The following SBNO2 variants were observed in gnomAD, a reference collection of about 807,000 sequenced individuals.
SBNO2 encodes strawberry notch homolog 2.
SBNO2 carries 89 observed loss-of-function variants against 146.3 expected under a neutral mutation model. The ratio of observed to expected loss-of-function variants is 0.61; its 90% CI spans 0.51 to 0.73. The LOEUF (loss-of-function observed/expected upper bound fraction) is 0.73. Among genes scored for constraint, SBNO2 ranks in the 30% least tolerant of loss-of-function variants. The pLI is 0.00. For synonymous variants in SBNO2, 1,147 were observed against 892.6 expected (o/e 1.29, Z -5.08); for missense variants, 2,092 against 2,003.7 (o/e 1.04, Z -0.84).
At position 1,110,994 on chromosome 19, in the gene SBNO2, C is replaced by A; in HGVS notation, c.2884+25G>T. On this transcript the variant is annotated intron_variant, in intron 25 of 31. Transcript: ENST00000361757. The surrounding 1 kb of genome is among the most constrained non-coding windows in gnomAD (Gnocchi z 4.9). ...CATGAGATGAGAGACAGGAGCGCCT[C>A]TGGGCCTGGGTGTGGGGCACTCACC... is the stretch of plus-strand genomic sequence containing the variant. The A allele has an allele frequency of 6.2e-7, 1 of 1,603,216 alleles. No individual in the cohort carries two copies. The highest frequency in any genetic ancestry group is 8.5e-7 in the Non-Finnish European group (1 of 1,175,366).
Position 1,162,392 on chromosome 19 carries a change from G to A in SBNO2, c.-126-7990C>T, listed in dbSNP as rs189560651. Among the ~76,000 whole-genome samples, 420 of 150,268 alleles carry A rather than the reference G, an allele frequency of 2.8e-3. 4 individuals carry two copies. Among genetic ancestry groups the A allele is most frequent in the African/African-American group, 9.7e-3 (397 of 40,970 alleles). ...GGAGAATGGCGTGAACCCGGGAGGC[G>A]GCGCTTGCAGTGAGCCGAGATCGGG... On this transcript the variant is annotated intron_variant, in intron 1 of 31. Coordinates refer to ENST00000361757, the MANE Select transcript of SBNO2 (RefSeq NM_014963.3).
At position 1,116,909 on chromosome 19, in the gene SBNO2, C is replaced by T. The variant is rs1333847531; in HGVS notation, c.1722G>A (p.Leu574=). The change falls in exon 16 of 32, where the codon CTG becomes CTA. Residue 574 remains leucine (L), a synonymous_variant. Coordinates refer to ENST00000361757, the MANE Select transcript of SBNO2 (RefSeq NM_014963.3). ...LARDKCVVIG[L]QSTGEARTRE... ...GCGTGCGCGCCTCGCCCGTGGACTGCAGCCCGATGACCACGCACTGTGGGA... is the reference window on the plus strand; with the variant it reads ...GCGTGCGCGCCTCGCCCGTGGACTGTAGCCCGATGACCACGCACTGTGGGA... 3 of 1,562,732 alleles carry T rather than the reference C, an allele frequency of 1.9e-6. No homozygotes were observed. Among genetic ancestry groups the T allele is most frequent in the African/African-American group, 1.4e-5 (1 of 73,992 alleles).
intron 1 of SBNO2, among the ~76,000 whole-genome samples, chr19:1,156,510 C>T (rs74597972): frequency 0.05 from 7,536 of 151,986 alleles, 359 homozygotes; most frequent in East Asian, 0.25. Context: ...GGAGTCACCA[C>T]ACCACCGAGC....
chr19:1,141,172 C>T (rs928503230), intron 4 of SBNO2, among the ~76,000 whole-genome samples: 8 of 152,072 alleles, frequency 5.3e-5, no homozygotes, highest in African/African-American at 1.9e-4. Flanking sequence ...GCAGAGGCTG[C>T]TGACTCCCCC....
At chr19:1,160,821 G>C (rs7259491) in intron 1 of SBNO2, among the ~76,000 whole-genome samples, 16,902 of 152,084 alleles carry the variant, frequency 0.11, 2,747 homozygotes, top group African/African-American at 0.36. Flanking sequence ...TGAGCCACCA[G>C]GCCCGGCCCG....
chr19:1,114,601 G>A (rs1457096483), intron 17 of SBNO2, among the ~76,000 whole-genome samples, 179 bp from the exon 18 acceptor site: 1 of 152,052 alleles, frequency 6.6e-6, no homozygotes, highest in East Asian at 1.9e-4. Flanking sequence ...AGGGAACCCC[G>A]TGCCCTGTGG....
intron 5 of SBNO2, among the ~76,000 whole-genome samples, chr19:1,124,604 A>G (rs2079944027): frequency 6.6e-6 from 1 of 152,204 alleles, no homozygotes; most frequent in South Asian, 2.1e-4. Flanking sequence ...CCGTGGGTGC[A>G]GTCCCTGAGG....
chr19:1,147,023 C>T (rs192424427), intron 4 of SBNO2, among the ~76,000 whole-genome samples: 191 of 152,270 alleles, frequency 1.3e-3, no homozygotes, highest in African/African-American at 4.1e-3. Flanking sequence ...CTCCCAGCAC[C>T]GCCCTCCCCG....
intron 1 of SBNO2, among the ~76,000 whole-genome samples, chr19:1,160,028 C>T (rs1471533820): frequency 2.0e-5 from 3 of 152,130 alleles, no homozygotes; most frequent in South Asian, 4.1e-4. Context: ...CGGGTGCCCC[C>T]GCCTGCCCCG....
At chr19:1,153,518 C>A (rs1338390311) in intron 2 of SBNO2, among the ~76,000 whole-genome samples, 1 of 151,838 alleles carries the variant, frequency 6.6e-6, no homozygotes, top group Non-Finnish European at 1.5e-5. Flanking sequence ...GGATTACAGG[C>A]GTGAGCCACC....
chr19:1,114,564 C>T lies in SBNO2; in HGVS notation c.1886-142G>A, dbSNP rs539623291. On this transcript the variant is annotated intron_variant, in intron 17 of 31. Transcript: ENST00000361757. ...GAACCCCCTGCCTCTGGGCAAGCAG[C>T]TCAGCTGTTCTCCAGGGACGCCCTC... The T allele has an allele frequency of 6.0e-6, 4 of 662,880 alleles. No individual in the cohort carries two copies. In the South Asian group the frequency reaches 9.7e-5, roughly 16 times the overall value. The allele number at this position is 662,880 out of a possible 1,614,324, so 41.1% of individuals were successfully genotyped here. A position where few individuals can be genotyped will look rare whatever the true frequency, so the allele number is the denominator to read the frequency against.
Position 1,157,066 on chromosome 19 carries a change from C to T in SBNO2, c.-126-2664G>A, listed in dbSNP as rs981591199. Among the ~76,000 whole-genome samples, 21 of 152,070 alleles carry T rather than the reference C, an allele frequency of 1.4e-4. No individual in the cohort carries two copies. The highest frequency in any genetic ancestry group is 2.1e-4 in the South Asian group (1 of 4,830). ...CTCACAACCCCTGCTGCCCCGATCC[C>T]CAGGCCCTCCCGCAGCCCCCAGCCC... On this transcript the variant is annotated intron_variant, in intron 1 of 31. Transcript: ENST00000361757. This position sits in a 1 kb window ranked among gnomAD's most constrained non-coding sequence, Gnocchi z 6.8.
At chr19:1,145,656 CCT>C (rs2145293401) in intron 4 of SBNO2, among the ~76,000 whole-genome samples, 2 of 152,206 alleles carry the variant, frequency 1.3e-5, no homozygotes, top group East Asian at 3.9e-4. Flanking sequence ...GGGCTCCTCC[CCT>C]GTGCGTCCCC....
intron 1 of SBNO2, among the ~76,000 whole-genome samples, chr19:1,172,992 T>C (rs74845434): frequency 3.5e-3 from 3 of 850 alleles, no homozygotes; most frequent in South Asian, 0.11. Flanking sequence ...TTTAAGAGAT[T>C]TTTTTTTTTT....
At chr19:1,155,536 G>A (rs1568628434) in intron 1 of SBNO2, among the ~76,000 whole-genome samples, 2 of 152,210 alleles carry the variant, frequency 1.3e-5, no homozygotes, top group Non-Finnish European at 2.9e-5. Context: ...TTGCCAGAAC[G>A]GCCCTTTAGG....
At position 1,140,206 on chromosome 19, in the gene SBNO2, G is replaced by A. The variant is rs879807991; in HGVS notation, c.279+7103C>T. ...TCCCAGCTACTCGGGAGGCTGAGGC[G>A]GGAGAATGGCATGAACCCAGGAGGC... On this transcript the variant is annotated intron_variant, in intron 4 of 31. Transcript: ENST00000361757. This position sits in a 1 kb window ranked among gnomAD's most constrained non-coding sequence, Gnocchi z 4.4. Among the ~76,000 whole-genome samples the A allele has an allele frequency of 7.8e-4, 119 of 151,764 alleles. No homozygotes were observed. The highest frequency in any genetic ancestry group is 9.2e-4 in the Admixed American group (14 of 15,228).
rs2079693477 is a variant in SBNO2 at position 1,108,086 on chromosome 19, G to C, written c.*134C>G. 1.9e-6 allele frequency: 2 copies of C among 1,045,764 alleles called. No individual in the cohort carries two copies. The highest frequency in any genetic ancestry group is 3.5e-5 in the African/African-American group (2 of 57,028). The allele number at this position is 1,045,764 out of a possible 1,614,324, so 64.8% of individuals were successfully genotyped here. A position where few individuals can be genotyped will look rare whatever the true frequency, so the allele number is the denominator to read the frequency against. ...CTGACCAGGTGGGGGCCCGGGTCGG[G>C]CGCTGAAGGCACTGCGGCCAGGGCC... On this transcript the variant is annotated 3_prime_UTR_variant, in exon 32 of 32. Transcript: ENST00000361757.
In SBNO2 at chr19:1,158,422, G is replaced by A. The variant is rs1044714008; in HGVS notation, c.-126-4020C>T. Among the ~76,000 whole-genome samples the A allele has an allele frequency of 3.3e-5, 5 of 152,280 alleles. No homozygotes were observed. The highest frequency in any genetic ancestry group is 7.2e-5 in the African/African-American group (3 of 41,542). On this transcript the variant is annotated intron_variant, in intron 1 of 31. Coordinates refer to ENST00000361757, the MANE Select transcript of SBNO2 (RefSeq NM_014963.3). This position sits in a 1 kb window ranked among gnomAD's most constrained non-coding sequence, Gnocchi z 9.9. ...AGCCAGACTCAGCAGCTCAGGCCAC[G>A]CTGTGCCCACGTTCGCGACGGCAAA...
chr19:1,130,209 C>T (rs1018329563), intron 4 of SBNO2, among the ~76,000 whole-genome samples: 3 of 152,146 alleles, frequency 2.0e-5, no homozygotes, highest in Non-Finnish European at 2.9e-5. Context: ...TTAACGGTGG[C>T]GTACGGATGT....
Sources: allele counts gnomAD v4.1 joint callset (sites outside exome capture counted in the v4.1 genomes callset), GRCh38; gene constraint gnomAD v4.1.1; non-coding constraint Gnocchi (gnomAD v3.1); transcripts MANE v1.5; gene names NCBI Gene and HGNC (gene_info 2026-07-23, HGNC 2026-07-21).